SV2B: variants seen among roughly 807,000 people sequenced by gnomAD.
SV2B encodes the protein synaptic vesicle glycoprotein 2B.
SV2B carries 41 observed loss-of-function variants against 73.9 expected under a neutral mutation model. The observed-to-expected ratio is 0.56, with a 90% CI of 0.43 to 0.72. The LOEUF (loss-of-function observed/expected upper bound fraction) is 0.72, where lower values mean the gene tolerates loss of function less well. Among genes scored for constraint, SV2B ranks in the 30% least tolerant of loss-of-function variants. SV2B has a pLI of 0.00. For synonymous variants in SV2B, 314 were observed against 314.2 expected, an observed-to-expected ratio of 1.00 and a Z score of 0.01; for missense variants, 764 against 857.8, an observed-to-expected ratio of 0.89 and a Z score of 1.37.
At chr15:91,188,573 C>A (rs2044872046) in intron 1 of SV2B, among the ~76,000 whole-genome samples, 2 of 152,130 alleles carry the variant, frequency 1.3e-5, no homozygotes, top group South Asian at 4.2e-4. Flanking sequence ...CCTCGGCCTC[C>A]CAAAGTGCTG....
At chr15:91,187,890 TA>T (rs2044837410) in intron 1 of SV2B, among the ~76,000 whole-genome samples, 1 of 152,148 alleles carries the variant, frequency 6.6e-6, no homozygotes, top group Non-Finnish European at 1.5e-5. Flanking sequence ...ATAATTGAAA[TA>T]GGCTAGCTTT....
rs986546028 is a variant in SV2B, at chr15:91,290,216, G to A, written c.1868+536G>A. On this transcript the variant is annotated intron_variant, in intron 12 of 12. Transcript: ENST00000394232. The surrounding 1 kb of genome is among the most constrained non-coding windows in gnomAD (Gnocchi z 4.7). ...CATTACTTAGTAATTGTTTTTCTTC[G>A]TGGAGGGGAATTGTAAAGTTTAAAG... Among the ~76,000 whole-genome samples the A allele has an allele frequency of 8.5e-5, 13 of 152,172 alleles. No individual in the cohort carries two copies. The highest frequency in any genetic ancestry group is 5.8e-4 in the East Asian group (3 of 5,200).
Position 91,139,328 on chromosome 15 carries a change from A to G in SV2B, c.-392+38965A>G, listed in dbSNP as rs2042934270. On this transcript the variant is annotated intron_variant, in intron 1 of 12. Transcript: ENST00000394232. The surrounding 1 kb of genome is among the most constrained non-coding windows in gnomAD (Gnocchi z 5.2). Reference sequence around the variant, plus strand: ...CTCTCTACTTTTGAATGTGCTTGCAAATTTCCACAATAAAATGTTAAAAAA... The same window carrying G: ...CTCTCTACTTTTGAATGTGCTTGCAGATTTCCACAATAAAATGTTAAAAAA... Among the ~76,000 whole-genome samples, 1 of 151,578 alleles carries G rather than the reference A, an allele frequency of 6.6e-6. No homozygotes were observed. Among genetic ancestry groups the G allele is most frequent in the Non-Finnish European group, 1.5e-5 (1 of 67,910 alleles).
At chr15:91,263,798 T>C (rs1235966509) in intron 6 of SV2B, among the ~76,000 whole-genome samples, 1 of 152,170 alleles carries the variant, frequency 6.6e-6, no homozygotes, top group African/African-American at 2.4e-5. Flanking sequence ...CATCGCAGAG[T>C]GCAGCCTTCT....
intron 2 of SV2B, among the ~76,000 whole-genome samples, chr15:91,228,228 A>G (rs2046448532): frequency 6.6e-6 from 1 of 152,208 alleles, no homozygotes; most frequent in Non-Finnish European, 1.5e-5. Context: ...GAGGGCACCA[A>G]AAGAGACAGA....
Position 91,299,013 on chromosome 15 carries a change from A to T in SV2B, c.*6461A>T, listed in dbSNP as rs1347967517. On this transcript the variant is annotated 3_prime_UTR_variant, in exon 13 of 13. Coordinates refer to ENST00000394232, the MANE Select transcript of SV2B (RefSeq NM_001323032.3). Reference sequence around the variant, plus strand: ...AATAGCTTTCCAATTCGCCACCAAAAATGCAAAAATGACAAGTAAGTGAGG... The same window carrying T: ...AATAGCTTTCCAATTCGCCACCAAATATGCAAAAATGACAAGTAAGTGAGG... 2.0e-5 allele frequency: 3 copies of T among 152,196 alleles called. No homozygotes were observed. The highest frequency in any genetic ancestry group is 1.3e-4 in the Admixed American group (2 of 15,288). 9.4% of individuals were successfully genotyped at this position (152,196 alleles called of 1,614,324 possible). A position where few individuals can be genotyped will look rare whatever the true frequency, so the allele number is the denominator to read the frequency against.
intron 1 of SV2B, among the ~76,000 whole-genome samples, chr15:91,162,863 T>C (rs569928671): frequency 6.6e-6 from 1 of 152,334 alleles, no homozygotes; most frequent in South Asian, 2.1e-4. Flanking sequence ...GTTTGTGTGC[T>C]GCACCCATTA....
At chr15:91,163,940 A>G (rs1262928507) in intron 1 of SV2B, among the ~76,000 whole-genome samples, 2 of 152,236 alleles carry the variant, frequency 1.3e-5, no homozygotes, top group Non-Finnish European at 2.9e-5. Context: ...TAATTTTTGT[A>G]TGAGGTGTAA....
At chr15:91,218,602 G>C (rs1040773757) in intron 1 of SV2B, among the ~76,000 whole-genome samples, 1 of 152,102 alleles carries the variant, frequency 6.6e-6, no homozygotes, top group Non-Finnish European at 1.5e-5. Context: ...TTACAATAAG[G>C]TTCTCAAATA....
rs957854227 is a variant in SV2B, at chr15:91,265,709, C to T, written c.1009-873C>T. On this transcript the variant is annotated intron_variant, in intron 6 of 12. Transcript: ENST00000394232. The surrounding 1 kb of genome is among the most constrained non-coding windows in gnomAD (Gnocchi z 4.2). ...TGAAGCTTCTCTGTCTGACCTCAGG[C>T]GGAAGATCATTTGCAAAGGCTGCAT... Among the ~76,000 whole-genome samples, 10 of 152,154 alleles carry T rather than the reference C, an allele frequency of 6.6e-5. No homozygotes were observed. Among genetic ancestry groups the T allele is most frequent in the Non-Finnish European group, 1.3e-4 (9 of 68,020 alleles).
Position 91,197,054 on chromosome 15 carries a change from G to C in SV2B, c.-391-28819G>C, listed in dbSNP as rs2045271292. Among the ~76,000 whole-genome samples the C allele has an allele frequency of 6.6e-6, 1 of 152,232 alleles. No individual in the cohort carries two copies. Among genetic ancestry groups the C allele is most frequent in the Non-Finnish European group, 1.5e-5 (1 of 68,038 alleles). The stretch of plus-strand genomic sequence containing the variant: ...GTTGCTCCGCCTGCCGGCTGTGGCA[G>C]CCTTTAGCCCATAGATGCTGATCTT... On this transcript the variant is annotated intron_variant, in intron 1 of 12. Transcript: ENST00000394232. The surrounding 1 kb of genome is among the most constrained non-coding windows in gnomAD (Gnocchi z 4.9).
At chr15:91,278,539 C>T (rs945187441) in intron 9 of SV2B, among the ~76,000 whole-genome samples, 2 of 149,862 alleles carry the variant, frequency 1.3e-5, no homozygotes, top group South Asian at 4.2e-4. Flanking sequence ...ATTAGCCGGG[C>T]GCGGTGGCGG....
chr15:91,156,818 T>C (rs184590855), intron 1 of SV2B, among the ~76,000 whole-genome samples: 2 of 152,352 alleles, frequency 1.3e-5, no homozygotes, highest in African/African-American at 4.8e-5. Context: ...TTGCAACCCA[T>C]TGTTCTCAGG....
At position 91,290,986 on chromosome 15, in the gene SV2B, C is replaced by T. The variant is rs1436029747; in HGVS notation, c.1868+1306C>T. Among the ~76,000 whole-genome samples, 1 of 151,588 alleles carries T rather than the reference C, an allele frequency of 6.6e-6. No homozygotes were observed. The highest frequency in any genetic ancestry group is 1.5e-5 in the Non-Finnish European group (1 of 67,944). ...CTAGGATCACAACACTGCACACCAA[C>T]CTGGGTGACAGAGACAGACCCTGTC... On this transcript the variant is annotated intron_variant, in intron 12 of 12. Coordinates refer to ENST00000394232, the MANE Select transcript of SV2B (RefSeq NM_001323032.3). The surrounding 1 kb of genome is among the most constrained non-coding windows in gnomAD (Gnocchi z 4.7).
rs562739054 is a variant in SV2B at position 91,301,090 on chromosome 15, C to G, written c.*8538C>G. 1 of 152,120 alleles carries G rather than the reference C, an allele frequency of 6.6e-6. No individual in the cohort carries two copies. Among genetic ancestry groups the G allele is most frequent in the Non-Finnish European group, 1.5e-5 (1 of 68,066 alleles). The allele number at this position is 152,120 out of a possible 1,614,324, so 9.4% of individuals were successfully genotyped here. ...CCAGTCCTGTGGTCCTATGGCTAAG[C>G]GGAGGACACGGCCACAAGCTGTGAG... On this transcript the variant is annotated 3_prime_UTR_variant, in exon 13 of 13. Coordinates refer to ENST00000394232, the MANE Select transcript of SV2B (RefSeq NM_001323032.3). This position sits in a 1 kb window ranked among gnomAD's most constrained non-coding sequence, Gnocchi z 4.3.
In SV2B at chr15:91,265,967, C is replaced by T. The variant is rs183497118; in HGVS notation, c.1009-615C>T. 3.5e-4 allele frequency among the ~76,000 whole-genome samples: 53 copies of T among 152,246 alleles called. No homozygotes were observed. In the East Asian group the frequency reaches 8.9e-3, roughly 26 times the overall value. ...ACCATCCTGGCCAACATGGTGAAAC[C>T]CTGTCTCTATTAAAAAATACAAAAA... On this transcript the variant is annotated intron_variant, in intron 6 of 12. Transcript: ENST00000394232. This position sits in a 1 kb window ranked among gnomAD's most constrained non-coding sequence, Gnocchi z 4.2.
Position 91,267,765 on chromosome 15 carries a change from T to A in SV2B, c.1208+122T>A. 1 of 840,082 alleles carries A rather than the reference T, an allele frequency of 1.2e-6. No homozygotes were observed. Among genetic ancestry groups the A allele is most frequent in the Non-Finnish European group, 2.0e-6 (1 of 509,422 alleles). The allele number at this position is 840,082 out of a possible 1,614,324, so 52.0% of individuals were successfully genotyped here. ...TCAGGTAGGATGCTTTGGTGGCAAG[T>A]AGCAGAAAACCAACTCTAGTGGCTT... On this transcript the variant is annotated intron_variant, in intron 8 of 12. Transcript: ENST00000394232. The surrounding 1 kb of genome is among the most constrained non-coding windows in gnomAD (Gnocchi z 4.3).
chr15:91,247,519 G>A (rs1283167121), intron 2 of SV2B, among the ~76,000 whole-genome samples: 4 of 152,176 alleles, frequency 2.6e-5, no homozygotes, highest in African/African-American at 9.7e-5. Context: ...GGAGAATAAA[G>A]GAAAGAGATT....
At chr15:91,188,944 G>T (rs548357677) in intron 1 of SV2B, among the ~76,000 whole-genome samples, 1 of 151,838 alleles carries the variant, frequency 6.6e-6, no homozygotes, top group Non-Finnish European at 1.5e-5. Context: ...CTCTAGCCTC[G>T]GCCTCCCAAA....
Sources: gnomAD v4.1 joint callset for allele counts (sites outside exome capture counted in the v4.1 genomes callset) on GRCh38, gnomAD v4.1.1 for gene constraint, Gnocchi (gnomAD v3.1) non-coding constraint, MANE v1.5 for transcripts, NCBI Gene and HGNC (gene_info 2026-07-23, HGNC 2026-07-21) for gene names.